GATA4: variants seen among roughly 807,000 people sequenced by gnomAD.
GATA4 encodes the protein transcription factor GATA-4.
Under a neutral mutation model 37.9 loss-of-function variants are expected in GATA4, and 7 were observed. That is an observed-to-expected ratio of 0.18 (90% confidence interval 0.11 to 0.35). GATA4 has a LOEUF of 0.35. Ranked by LOEUF, GATA4 falls within the 10% of genes least tolerant of loss-of-function variation. GATA4 has a pLI of 1.00. For missense variants in GATA4, 647 were observed against 653.0 expected (o/e 0.99, Z 0.10); for synonymous variants, 372 against 292.6 (o/e 1.27, Z -2.77).
At chr8:11,746,489 G>C (rs1802037369) in intron 2 of GATA4, among the ~76,000 whole-genome samples, 1 of 152,206 alleles carries the variant, frequency 6.6e-6, no homozygotes, top group African/African-American at 2.4e-5. Context: ...CGCGTGTCTT[G>C]GTTCAATTTT....
chr8:11,727,917 G>A (rs1801013666), intron 2 of GATA4, among the ~76,000 whole-genome samples: 1 of 152,146 alleles, frequency 6.6e-6, no homozygotes, highest in African/African-American at 2.4e-5. Context: ...CTACTCCATA[G>A]AGGCTAAGAA....
chr8:11,745,262 T>C (rs990799010), intron 2 of GATA4, among the ~76,000 whole-genome samples: 2 of 152,076 alleles, frequency 1.3e-5, no homozygotes, highest in African/African-American at 2.4e-5. Context: ...CTGCGTCCTT[T>C]AATAAGATTC....
chr8:11,702,789 T>A (rs1799727854), upstream of GATA4, among the ~76,000 whole-genome samples: 1 of 152,186 alleles, frequency 6.6e-6, no homozygotes, highest in East Asian at 1.9e-4. The surrounding 1 kb of genome is among the most constrained non-coding windows in gnomAD (Gnocchi z 4.4). Flanking sequence ...CGCAGGCCTT[T>A]CGCCGCTCGG....
At chr8:11,725,762 C>G (rs753248390) in intron 2 of GATA4, among the ~76,000 whole-genome samples, 1 of 152,186 alleles carries the variant, frequency 6.6e-6, no homozygotes, top group Non-Finnish European at 1.5e-5. Flanking sequence ...TTACTCGGCA[C>G]CTTGGCAATC....
chr8:11,683,431 G>GTT (rs77330007), intron 1 of GATA4, among the ~76,000 whole-genome samples: 5 of 152,030 alleles, frequency 3.3e-5, no homozygotes, highest in East Asian at 1.9e-4. Flanking sequence ...TGGAGGTATC[G>GTT]TTTTTTTTCT....
At chr8:11,731,239 G>A (rs1801193851) in intron 2 of GATA4, among the ~76,000 whole-genome samples, 1 of 152,194 alleles carries the variant, frequency 6.6e-6, no homozygotes, top group Admixed American at 6.5e-5. Flanking sequence ...TGTATTTTGA[G>A]TTTACATTTA....
At chr8:11,733,254 G>T (rs1022856253) in intron 2 of GATA4, among the ~76,000 whole-genome samples, 1 of 151,914 alleles carries the variant, frequency 6.6e-6, no homozygotes, top group Admixed American at 6.6e-5. Context: ...ACAGTCTCAG[G>T]AAACATCCCA....
chr8:11,756,130 C>T (rs1348816649), intron 5 of GATA4, among the ~76,000 whole-genome samples: 4 of 152,050 alleles, frequency 2.6e-5, no homozygotes, highest in Admixed American at 6.6e-5. Context: ...TTTGACTGGT[C>T]GGTGCTGCAG....
chr8:11,692,654 A>C (rs1182050720), exon 1 of GATA4: 1 of 982,934 alleles, frequency 1.0e-6, no homozygotes, highest in Non-Finnish European at 1.2e-6. Flanking sequence ...GCCGACCTCC[A>C]CCGCGGGTGC....
chr8:11,679,357 G>A (rs1363514581), intron 1 of GATA4, among the ~76,000 whole-genome samples: 1 of 152,160 alleles, frequency 6.6e-6, no homozygotes, highest in Non-Finnish European at 1.5e-5. Flanking sequence ...AACTTAAAGG[G>A]GGCTCGCGCC....
rs372936031 is a variant in GATA4 at position 11,731,491 on chromosome 8, C to G, written c.617-17425C>G. Among the ~76,000 whole-genome samples the G allele has an allele frequency of 3.7e-4, 57 of 152,334 alleles. No homozygotes were observed. The East Asian group carries it at 0.011, about 28-fold the overall frequency. On this transcript the variant is annotated intron_variant, in intron 2 of 6. Transcript: ENST00000532059. The stretch of plus-strand genomic sequence containing the variant: ...AGCCAGTCACCAAAGGACAAACACT[C>G]TATGATCCCACTTCTGTGGGGCCCC...
chr8:11,702,573 G>A (rs1464792742), upstream of GATA4, among the ~76,000 whole-genome samples: 1 of 145,894 alleles, frequency 6.9e-6, no homozygotes, highest in Non-Finnish European at 1.5e-5. This position sits in a 1 kb window ranked among gnomAD's most constrained non-coding sequence, Gnocchi z 4.4. Flanking sequence ...TCCGGAGACC[G>A]CTTTTCCGCA....
chr8:11,690,118 A>G (rs1648610965), upstream of GATA4, among the ~76,000 whole-genome samples: 1 of 152,214 alleles, frequency 6.6e-6, no homozygotes, highest in African/African-American at 2.4e-5. Context: ...TAAACGGGCC[A>G]AAGGTACCTG....
rs1262478047 is a variant in GATA4 at position 11,723,184 on chromosome 8, A to AAAAT, written c.616+14277_616+14280dup. 1.7e-3 allele frequency among the ~76,000 whole-genome samples: 260 copies of AAAAT among 152,044 alleles called. 1 individual carries two copies. Among genetic ancestry groups the AAAAT allele is most frequent in the African/African-American group, 5.7e-3 (236 of 41,478 alleles). On this transcript the variant is annotated intron_variant, in intron 2 of 6. Transcript: ENST00000532059. ...CAACATAGTGAGAGCCTGTCTCTACAAAATAAATAAATAAATAAATAAATT... is the reference window on the plus strand; with the variant it reads ...CAACATAGTGAGAGCCTGTCTCTACAAAATAAATAAATAAATAAATAAATAAATT...
upstream of GATA4, among the ~76,000 whole-genome samples, chr8:11,687,789 A>C (rs1466282622): frequency 6.6e-6 from 1 of 152,124 alleles, no homozygotes; most frequent in African/African-American, 2.4e-5. Flanking sequence ...GACAGGTTTT[A>C]TTGGGATCCC....
chr8:11,733,888 C>T (rs1256205370), intron 2 of GATA4, among the ~76,000 whole-genome samples: 1 of 152,222 alleles, frequency 6.6e-6, no homozygotes, highest in Admixed American at 6.5e-5. Flanking sequence ...CACTATGCAA[C>T]TTCCACACAG....
chr8:11,754,638 CA>C (rs1192218017), intron 4 of GATA4, among the ~76,000 whole-genome samples: 1 of 152,222 alleles, frequency 6.6e-6, no homozygotes, highest in Non-Finnish European at 1.5e-5. Flanking sequence ...ACTCAGGTGT[CA>C]CCTCCACACT....
intron 2 of GATA4, among the ~76,000 whole-genome samples, chr8:11,710,197 T>A (rs1800111140): frequency 6.6e-6 from 1 of 152,030 alleles, no homozygotes; most frequent in Non-Finnish European, 1.5e-5. Context: ...GCAAACTGAT[T>A]AACCCTGAAA....
At chr8:11,687,606 A>G (rs957435362) in intron 1 of GATA4, among the ~76,000 whole-genome samples, 1 of 152,196 alleles carries the variant, frequency 6.6e-6, no homozygotes, top group Non-Finnish European at 1.5e-5. Context: ...CTTTTTATAG[A>G]TGAGAAAACT....
Sources: gnomAD v4.1 joint callset for allele counts (sites outside exome capture counted in the v4.1 genomes callset) on GRCh38, gnomAD v4.1.1 for gene constraint, Gnocchi (gnomAD v3.1) non-coding constraint, MANE v1.5 for transcripts, NCBI Gene and HGNC (gene_info 2026-07-23, HGNC 2026-07-21) for gene names.